Variants in ZNF521 observed in about 807,000 individuals in gnomAD.
ZNF521 encodes the protein LYST-interacting protein 3.
ZNF521 carries 14 observed loss-of-function variants against 105.5 expected under a neutral mutation model. The observed-to-expected ratio is 0.13, with a 90% CI of 0.09 to 0.21. The LOEUF is 0.21. Among genes scored for constraint, ZNF521 ranks in the 10% least tolerant of loss-of-function variants. ZNF521 has a pLI of 1.00. For synonymous variants in ZNF521, 635 were observed against 606.0 expected (o/e 1.05, Z -0.70); for missense variants, 1,233 against 1,629.7 (o/e 0.76, Z 4.19).
intron 2 of ZNF521, among the ~76,000 whole-genome samples, chr18:25,350,236 G>C (rs551294801): frequency 6.6e-6 from 1 of 152,152 alleles, no homozygotes; most frequent in Non-Finnish European, 1.5e-5. Flanking sequence ...AGGACTCCAG[G>C]GGCGGCGGGG....
chr18:25,151,559 T>C (rs1407508933), intron 5 of ZNF521, among the ~76,000 whole-genome samples: 3 of 152,188 alleles, frequency 2.0e-5, no homozygotes, highest in Non-Finnish European at 2.9e-5. Context: ...CCAGGCTCTT[T>C]TGGGAGGTGG....
chr18:25,143,920 A>G (rs953971955), intron 5 of ZNF521, among the ~76,000 whole-genome samples: 1 of 152,216 alleles, frequency 6.6e-6, no homozygotes, highest in African/African-American at 2.4e-5. Context: ...TTGGTTTATA[A>G]TTACAAGAAT....
In ZNF521 at chr18:25,233,103, G is replaced by C. The variant is rs535724675; in HGVS notation, c.221-5406C>G. ...ATGTTTAATAGACACAGGTAACAAGGGTACTTGACATGTTACTTCAATGCC... is the reference window on the plus strand; with the variant it reads ...ATGTTTAATAGACACAGGTAACAAGCGTACTTGACATGTTACTTCAATGCC... On this transcript the variant is annotated intron_variant, in intron 3 of 7. Transcript: ENST00000361524. 2.0e-3 allele frequency among the ~76,000 whole-genome samples: 300 copies of C among 152,002 alleles called. 1 individual carries two copies. The highest frequency in any genetic ancestry group is 6.5e-3 in the African/African-American group (268 of 41,450).
At chr18:25,299,187 T>C (rs759277986) in intron 3 of ZNF521, among the ~76,000 whole-genome samples, 2 of 152,170 alleles carry the variant, frequency 1.3e-5, no homozygotes, top group African/African-American at 4.8e-5. Flanking sequence ...GCTTAACATA[T>C]ACCAGGGCTT....
In ZNF521 at chr18:25,062,862, T is replaced by C. The variant is rs552091500; in HGVS notation, c.3907-121A>G. Reference sequence around the variant, plus strand: ...ATATATACATGTAATTAATTCATAATGACTTGAACAGAACAATGAGTTTCT... The same window carrying C: ...ATATATACATGTAATTAATTCATAACGACTTGAACAGAACAATGAGTTTCT... On this transcript the variant is annotated intron_variant, in intron 7 of 7. Coordinates refer to ENST00000361524, the MANE Select transcript of ZNF521 (RefSeq NM_015461.3). 2.5e-5 allele frequency: 24 copies of C among 973,252 alleles called. No individual in the cohort carries two copies. The African/African-American group carries it at 3.2e-4, about 13-fold the overall frequency. 60.3% of individuals were successfully genotyped at this position (973,252 alleles called of 1,614,324 possible).
intron 2 of ZNF521, among the ~76,000 whole-genome samples, chr18:25,346,042 G>A (rs1914447814): frequency 6.6e-6 from 1 of 151,936 alleles, no homozygotes; most frequent in Non-Finnish European, 1.5e-5. Flanking sequence ...CTTACCTTAG[G>A]TTAAAATCTA....
intron 5 of ZNF521, among the ~76,000 whole-genome samples, chr18:25,129,820 C>T (rs555894713): frequency 8.9e-4 from 136 of 152,040 alleles, no homozygotes; most frequent in African/African-American, 2.6e-3. Context: ...GACTGATTTC[C>T]GAAACACTGA....
intron 4 of ZNF521, among the ~76,000 whole-genome samples, chr18:25,222,254 G>A (rs529972038): frequency 6.6e-6 from 1 of 152,246 alleles, no homozygotes; most frequent in South Asian, 2.1e-4. Flanking sequence ...TGTAAGTGCA[G>A]GATAAAGATA....
chr18:25,221,909 T>C (rs945263944), intron 4 of ZNF521, among the ~76,000 whole-genome samples: 14 of 152,168 alleles, frequency 9.2e-5, no homozygotes, highest in African/African-American at 2.9e-4. Flanking sequence ...ATTTTCTATA[T>C]TAGTCTAAAT....
intron 4 of ZNF521, among the ~76,000 whole-genome samples, chr18:25,198,881 T>C (rs143510162): frequency 2.0e-5 from 3 of 151,982 alleles, no homozygotes; most frequent in African/African-American, 7.2e-5. Flanking sequence ...CAGGTTATTC[T>C]GAGATACTCA....
chr18:25,327,150 G>A (rs898040370), intron 2 of ZNF521, among the ~76,000 whole-genome samples: 1 of 152,088 alleles, frequency 6.6e-6, no homozygotes, highest in Non-Finnish European at 1.5e-5. Flanking sequence ...AAAATAGAGG[G>A]TTTTTGAGAC....
intron 3 of ZNF521, among the ~76,000 whole-genome samples, chr18:25,267,767 C>T (rs1358765546): frequency 6.6e-6 from 1 of 152,112 alleles, no homozygotes; most frequent in African/African-American, 2.4e-5. Flanking sequence ...TCAGAGACCC[C>T]ATCCGAAGGT....
chr18:25,122,933 C>T (rs8095422), intron 5 of ZNF521, among the ~76,000 whole-genome samples: 5 of 151,732 alleles, frequency 3.3e-5, no homozygotes, highest in Admixed American at 1.3e-4. Flanking sequence ...GTAATTCACA[C>T]GCACTCAGCC....
At chr18:25,178,774 A>G (rs1440383300) in intron 5 of ZNF521, among the ~76,000 whole-genome samples, 1 of 152,232 alleles carries the variant, frequency 6.6e-6, no homozygotes, top group Non-Finnish European at 1.5e-5. Context: ...TGACATCAAC[A>G]TCAGGCTTTG....
chr18:25,164,922 A>G (rs1252968350), intron 5 of ZNF521, among the ~76,000 whole-genome samples: 2 of 152,338 alleles, frequency 1.3e-5, no homozygotes, highest in East Asian at 3.9e-4. Flanking sequence ...ATACAGAGGA[A>G]GGGGTATTAA....
At chr18:25,153,865 G>T (rs975952855) in intron 5 of ZNF521, among the ~76,000 whole-genome samples, 1 of 152,050 alleles carries the variant, frequency 6.6e-6, no homozygotes, top group East Asian at 1.9e-4. Context: ...TTCACCAGTC[G>T]TAATATCAAG....
At chr18:25,182,031 CTTAT>C (rs929235310) in intron 5 of ZNF521, among the ~76,000 whole-genome samples, 21 of 152,212 alleles carry the variant, frequency 1.4e-4, no homozygotes, top group African/African-American at 4.1e-4. Context: ...ACAGTTACCT[CTTAT>C]TTATTTATTT....
chr18:25,297,900 C>T (rs556451052), intron 3 of ZNF521, among the ~76,000 whole-genome samples: 1 of 152,160 alleles, frequency 6.6e-6, no homozygotes, highest in South Asian at 2.1e-4. Context: ...TATTTCCCTC[C>T]CATTCTTAGA....
chr18:25,343,189 T>C (rs1307338632), intron 2 of ZNF521, among the ~76,000 whole-genome samples: 1 of 152,162 alleles, frequency 6.6e-6, no homozygotes, highest in African/African-American at 2.4e-5. Context: ...CACAGTATAC[T>C]GATGGGATAA....
Sources: gnomAD v4.1 joint callset for allele counts (sites outside exome capture counted in the v4.1 genomes callset) on GRCh38, gnomAD v4.1.1 for gene constraint, MANE v1.5 for transcripts, NCBI Gene and HGNC (gene_info 2026-07-23, HGNC 2026-07-21) for gene names.